Variants in TEX22 observed in about 807,000 individuals in gnomAD.
The protein encoded by TEX22 is testis-expressed protein 22.
A neutral mutation model predicts 11.3 loss-of-function variants in TEX22; 16 were observed. That is an observed-to-expected ratio of 1.42 (90% CI 0.96 to 2.15). The LOEUF (loss-of-function observed/expected upper bound fraction) is 2.15, where lower values mean the gene tolerates loss of function less well. TEX22 is among the 30% of genes most tolerant of loss of function. The pLI is 0.00. For missense variants in TEX22, 220 were observed against 208.6 expected (o/e 1.05, Z -0.34); for synonymous variants, 97 against 92.3 (o/e 1.05, Z -0.29).
In TEX22 at chr14:105,413,527, A is replaced by T. The variant is rs1281100553; in HGVS notation, c.*1694A>T. On this transcript the variant is annotated 3_prime_UTR_variant, in exon 4 of 4. Transcript: ENST00000451127. The surrounding 1 kb of genome is among the most constrained non-coding windows in gnomAD (Gnocchi z 4.2). ...CCTGCTCTCGTTTGAGTGTCTCCTG[A>T]GGCTGCAGTCAGAGCGTGGTGGTCC... is the stretch of plus-strand genomic sequence containing the variant. 1.3e-5 allele frequency: 2 copies of T among 152,294 alleles called. No homozygotes were observed. The highest frequency in any genetic ancestry group is 2.9e-5 in the Non-Finnish European group (2 of 68,122). The allele number at this position is 152,294 out of a possible 1,614,324, so 9.4% of individuals were successfully genotyped here. A position where few individuals can be genotyped will look rare whatever the true frequency, so the allele number is the denominator to read the frequency against.
chr14:105,411,584 T>C (rs1168587933), intron 3 of TEX22, 76 bp from the exon 4 acceptor site: 11 of 1,176,226 alleles, frequency 9.4e-6, no homozygotes, highest in Non-Finnish European at 1.1e-5. Flanking sequence ...CACTGGGCCC[T>C]TTACCCCGGC....
intron 1 of TEX22, among the ~76,000 whole-genome samples, 196 bp downstream of exon 1, chr14:105,398,831 G>T (rs1414389049): frequency 1.3e-5 from 2 of 152,250 alleles, no homozygotes; most frequent in Non-Finnish European, 2.9e-5. Context: ...GGCACGTAAG[G>T]GCTCCGGGCT....
intron 2 of TEX22, among the ~76,000 whole-genome samples, chr14:105,408,996 C>T (rs1188418992): frequency 1.4e-5 from 2 of 142,642 alleles, no homozygotes; most frequent in African/African-American, 5.1e-5. Flanking sequence ...CCCTCTTCTA[C>T]GAACTGATTA....
chr14:105,404,637 C>A (rs1021572642), intron 2 of TEX22, among the ~76,000 whole-genome samples: 1 of 152,224 alleles, frequency 6.6e-6, no homozygotes, highest in Non-Finnish European at 1.5e-5. Context: ...CACGGGAGCT[C>A]GTCACAGTAG....
intron 2 of TEX22, among the ~76,000 whole-genome samples, chr14:105,401,583 G>A (rs1166926681): frequency 1.4e-4 from 18 of 128,216 alleles, no homozygotes; most frequent in Admixed American, 3.2e-4. Flanking sequence ...GGACTCTTGT[G>A]GGGTGGGGGG....
chr14:105,411,520 C>CCCCCCCCGGGGG, intron 3 of TEX22, 24 bp downstream of exon 3: 17 of 1,119,846 alleles, frequency 1.5e-5, no homozygotes, highest in Admixed American at 4.9e-5. Context: ...GGGTCCTCCC[C>CCCCCCCCGGGGG]GCCCCGTCCC....
At chr14:105,405,117 A>G (rs1200809307) in intron 2 of TEX22, among the ~76,000 whole-genome samples, 2 of 152,062 alleles carry the variant, frequency 1.3e-5, no homozygotes, top group African/African-American at 4.8e-5. Context: ...GCAAAACCCC[A>G]TCTCTATAAA....
intron 2 of TEX22, among the ~76,000 whole-genome samples, chr14:105,402,498 T>C (rs1286781399): frequency 1.3e-5 from 2 of 152,082 alleles, no homozygotes; most frequent in Non-Finnish European, 2.9e-5. Context: ...CTCACGCCTG[T>C]AATCCCAGCA....
At chr14:105,402,642 G>A (rs1049407962) in intron 2 of TEX22, among the ~76,000 whole-genome samples, 28 of 151,954 alleles carry the variant, frequency 1.8e-4, no homozygotes, top group Middle Eastern at 3.4e-3. Flanking sequence ...TGTAGTCCCA[G>A]CTACTCGGGA....
At chr14:105,406,002 A>AT (rs1327234494) in intron 2 of TEX22, among the ~76,000 whole-genome samples, 1 of 152,214 alleles carries the variant, frequency 6.6e-6, no homozygotes, top group Non-Finnish European at 1.5e-5. Flanking sequence ...TGGGGATTTA[A>AT]TTTATGTTGA....
At position 105,399,400 on chromosome 14, in the gene TEX22, G is replaced by A. The variant is rs2081610756; in HGVS notation, c.60G>A (p.Glu20=). 3.3e-6 allele frequency: 5 copies of A among 1,535,834 alleles called. No individual in the cohort carries two copies. In the East Asian group the frequency reaches 1.2e-4, roughly 38 times the overall value. Residue 20 remains glutamate (E), a synonymous_variant, in exon 2 of 4, where the codon GAG becomes GAA. Coordinates refer to ENST00000451127, the MANE Select transcript of TEX22 (RefSeq NM_001195082.2). ...GKKLESHLSQ[E]HRRPPLGLIA... is the part of the protein sequence containing the mutation. ...AGCTGGAGTCGCACCTCTCCCAAGAGCACAGGCGGCCCCCACTGGGCCTGA... is the reference window on the plus strand; with the variant it reads ...AGCTGGAGTCGCACCTCTCCCAAGAACACAGGCGGCCCCCACTGGGCCTGA...
In TEX22 at chr14:105,411,358, T is replaced by C; in HGVS notation, c.151-10T>C. ...CGAGGCCCTCGCCGACCCGCTGCCC[T>C]GTCCCCCAGGTGTGCGAGCCGCCGG... On this transcript the variant is annotated splice_polypyrimidine_tract_variant and intron_variant, in intron 2 of 3. Transcript: ENST00000451127. 1 of 1,325,808 alleles carries C rather than the reference T, an allele frequency of 7.5e-7. No individual in the cohort carries two copies. 82.1% of individuals were successfully genotyped at this position (1,325,808 alleles called of 1,614,324 possible).
intron 2 of TEX22, among the ~76,000 whole-genome samples, chr14:105,402,686 G>A (rs1185890057): frequency 6.6e-6 from 1 of 151,700 alleles, no homozygotes; most frequent in Non-Finnish European, 1.5e-5. Flanking sequence ...AACCCGGGAG[G>A]CGGAGCTTGC....
intron 2 of TEX22, among the ~76,000 whole-genome samples, chr14:105,402,561 T>C (rs587683514): frequency 9.4e-4 from 142 of 151,826 alleles, no homozygotes; most frequent in Admixed American, 3.1e-3. Context: ...AAGACCATCC[T>C]GGCTAACACG....
chr14:105,401,723 A>C (rs587598966), intron 2 of TEX22, among the ~76,000 whole-genome samples: 2 of 152,264 alleles, frequency 1.3e-5, no homozygotes, highest in South Asian at 4.1e-4. Context: ...CCTAGAACTT[A>C]AAAGTATAAT....
intron 1 of TEX22, 92 bp from the exon 2 acceptor site, chr14:105,399,210 C>G (rs2141352725): frequency 1.4e-6 from 1 of 724,848 alleles, no homozygotes; most frequent in South Asian, 1.8e-5. Flanking sequence ...GACCGCGATA[C>G]TGCCACCATC....
intron 1 of TEX22, 99 bp from the exon 2 acceptor site, chr14:105,399,203 C>T (rs1041447579): frequency 2.9e-6 from 2 of 698,100 alleles, no homozygotes; most frequent in South Asian, 1.8e-5. Context: ...CCTAGCAGAC[C>T]GCGATACTGC....
intron 3 of TEX22, 25 bp downstream of exon 3, chr14:105,411,521 G>GGGGGCCCCCCCCCCCCCCC: frequency 2.2e-6 from 1 of 458,518 alleles, no homozygotes; most frequent in Non-Finnish European, 2.8e-6. Flanking sequence ...GGTCCTCCCC[G>GGGGGCCCCCCCCCCCCCCC]CCCCGTCCCC....
chr14:105,401,475 C>T (rs908238582), intron 2 of TEX22, among the ~76,000 whole-genome samples: 4 of 150,898 alleles, frequency 2.7e-5, no homozygotes, highest in Middle Eastern at 3.4e-3. Context: ...AGCAAACTAT[C>T]GCAAGGACAA....
Sources: gnomAD v4.1 joint callset for allele counts (sites outside exome capture counted in the v4.1 genomes callset) on GRCh38, gnomAD v4.1.1 for gene constraint, Gnocchi (gnomAD v3.1) non-coding constraint, MANE v1.5 for transcripts, NCBI Gene and HGNC (gene_info 2026-07-23, HGNC 2026-07-21) for gene names.